The following ARF4 variants were observed in gnomAD, a reference collection of about 807,000 sequenced individuals.
ARF4 encodes the protein ARF GTPase 4, also known as ADP-ribosylation factor 4.
In ARF4, 5 loss-of-function variants were observed where a neutral mutation model predicts 24.3. The ratio of observed to expected loss-of-function variants is 0.21; its 90% CI spans 0.11 to 0.43. The LOEUF (loss-of-function observed/expected upper bound fraction) is 0.43, where lower values mean the gene tolerates loss of function less well. ARF4 is among the 20% of genes least tolerant of loss of function. ARF4 has a pLI of 1.00. For synonymous variants in ARF4, 62 were observed against 73.5 expected (o/e 0.84, Z 0.80); for missense variants, 107 against 213.0 (o/e 0.50, Z 3.10).
In ARF4 at chr3:57,589,643, G is replaced by A. The variant is rs140342312; in HGVS notation, c.68-5179C>T. On this transcript the variant is annotated intron_variant, in intron 1 of 5. Transcript: ENST00000303436. ...TGAGGCAGGAGAATCGCTTGAACCC[G>A]GGAGGTGGAGGTTACAGTGAGCCCA... is the stretch of plus-strand genomic sequence containing the variant. Among the ~76,000 whole-genome samples, 662 of 151,352 alleles carry A rather than the reference G, an allele frequency of 4.4e-3. 6 individuals carry two copies. Among genetic ancestry groups the A allele is most frequent in the African/African-American group, 0.015 (623 of 41,238 alleles).
chr3:57,586,005 G>A (rs949827445), intron 1 of ARF4, among the ~76,000 whole-genome samples: 6 of 152,174 alleles, frequency 3.9e-5, no homozygotes, highest in Admixed American at 3.9e-4. Flanking sequence ...TACAAGTAGG[G>A]AGGAATGTGT....
chr3:57,584,323 G>T, intron 2 of ARF4, 61 bp downstream of exon 2: 1 of 1,337,816 alleles, frequency 7.5e-7, no homozygotes, highest in Non-Finnish European at 1.1e-6. Context: ...CTCAAAACTA[G>T]ACTGTATATA....
In ARF4 at chr3:57,572,085, A is replaced by G. The variant is rs537262422; in HGVS notation, c.*127T>C. The G allele has an allele frequency of 5.7e-4, 393 of 686,078 alleles. 1 individual carries two copies. The highest frequency in any genetic ancestry group is 7.8e-4 in the Non-Finnish European group (306 of 394,122). The allele number at this position is 686,078 out of a possible 1,614,324, so 42.5% of individuals were successfully genotyped here. On this transcript the variant is annotated 3_prime_UTR_variant, in exon 6 of 6. Coordinates refer to ENST00000303436, the MANE Select transcript of ARF4 (RefSeq NM_001660.4). ...TCGGTAAACAATAATTGGCAACAAA[A>G]TAAGTTTAATATTCTGCCCAAACCA...
intron 1 of ARF4, among the ~76,000 whole-genome samples, chr3:57,589,321 G>A (rs2070076682): frequency 6.6e-6 from 1 of 152,156 alleles, no homozygotes; most frequent in South Asian, 2.1e-4. Flanking sequence ...CCAGCTACGT[G>A]GGAGGCTGAG....
intron 1 of ARF4, among the ~76,000 whole-genome samples, chr3:57,593,955 T>C (rs1000681614): frequency 6.6e-6 from 1 of 152,130 alleles, no homozygotes; most frequent in African/African-American, 2.4e-5. Context: ...TTAAAAAATA[T>C]ATACAAAATA....
At chr3:57,588,305 C>A (rs2070063329) in intron 1 of ARF4, among the ~76,000 whole-genome samples, 1 of 152,216 alleles carries the variant, frequency 6.6e-6, no homozygotes, top group Non-Finnish European at 1.5e-5. Context: ...TCACTCACAC[C>A]TGTAATCCTA....
rs182956600 is a variant in ARF4 at position 57,574,912 on chromosome 3, G to A, written c.456+636C>T. 9.3e-5 allele frequency among the ~76,000 whole-genome samples: 14 copies of A among 150,140 alleles called. No individual in the cohort carries two copies. The East Asian group carries it at 1.2e-3, about 13-fold the overall frequency. On this transcript the variant is annotated intron_variant, in intron 5 of 5. Transcript: ENST00000303436. ...TGCCCAGGCTGGAGTGCAGTGGCGC[G>A]ATCGCGACTCACCGCAACCTCCACC...
intron 3 of ARF4, among the ~76,000 whole-genome samples, chr3:57,577,947 T>G (rs758156689): frequency 6.6e-6 from 1 of 151,810 alleles, no homozygotes; most frequent in African/African-American, 2.4e-5. Flanking sequence ...CCCAGCTACT[T>G]GGGAGATGAG....
intron 3 of ARF4, among the ~76,000 whole-genome samples, chr3:57,582,949 C>T (rs2069993506): frequency 6.6e-6 from 1 of 152,142 alleles, no homozygotes; most frequent in African/African-American, 2.4e-5. Context: ...ATTTTGCCCC[C>T]AGGGGATATT....
intron 1 of ARF4, among the ~76,000 whole-genome samples, chr3:57,589,793 A>G (rs1027304630): frequency 2.0e-5 from 3 of 151,092 alleles, no homozygotes; most frequent in African/African-American, 7.3e-5. Flanking sequence ...TACATTTTAA[A>G]TTTAAAAAGT....
intron 3 of ARF4, among the ~76,000 whole-genome samples, chr3:57,582,616 G>T (rs1309671750): frequency 1.3e-5 from 2 of 152,074 alleles, no homozygotes; most frequent in African/African-American, 4.8e-5. Flanking sequence ...GGTTGTCCCA[G>T]CCACTCACCT....
intron 1 of ARF4, among the ~76,000 whole-genome samples, chr3:57,584,880 G>A (rs1373348506): frequency 6.6e-6 from 1 of 151,876 alleles, no homozygotes; most frequent in Non-Finnish European, 1.5e-5. Context: ...CAGGGGAGCG[G>A]GGGGACGTAT....
intron 1 of ARF4, among the ~76,000 whole-genome samples, chr3:57,588,152 T>C (rs2070061492): frequency 6.6e-6 from 1 of 152,162 alleles, no homozygotes; most frequent in African/African-American, 2.4e-5. Flanking sequence ...CCAGCAATGG[T>C]CTCCCTCCCC....
chr3:57,577,053 C>CT (rs1363788785), intron 4 of ARF4, among the ~76,000 whole-genome samples: 3 of 146,098 alleles, frequency 2.1e-5, no homozygotes, highest in Admixed American at 1.4e-4. Context: ...ATGAGGCATT[C>CT]TAAAAAAAAA....
chr3:57,582,010 G>A (rs1171795605), intron 3 of ARF4, among the ~76,000 whole-genome samples: 1 of 152,120 alleles, frequency 6.6e-6, no homozygotes, highest in East Asian at 1.9e-4. Context: ...AAACTCCCTG[G>A]AGTATATCGG....
chr3:57,577,901 A>C (rs2069925721), intron 3 of ARF4, among the ~76,000 whole-genome samples: 1 of 152,000 alleles, frequency 6.6e-6, no homozygotes, highest in Admixed American at 6.6e-5. Context: ...AAAAAAATAC[A>C]AAAATTAGCC....
chr3:57,573,688 C>G (rs1397067997), intron 5 of ARF4, among the ~76,000 whole-genome samples: 1 of 151,854 alleles, frequency 6.6e-6, no homozygotes, highest in Non-Finnish European at 1.5e-5. Context: ...TCAAGAGATT[C>G]TCGTGCCTTC....
At chr3:57,572,402 A>G in intron 5 of ARF4, 104 bp from the exon 6 acceptor site, 1 of 823,648 alleles carries the variant, frequency 1.2e-6, no homozygotes. Context: ...CACCTCTTGC[A>G]TCTCACAAAA....
chr3:57,594,357 G>A (rs1014617557), intron 1 of ARF4, among the ~76,000 whole-genome samples: 1 of 152,130 alleles, frequency 6.6e-6, no homozygotes, highest in Non-Finnish European at 1.5e-5. Context: ...CAAAGTGCTG[G>A]GATAATAGGC....
Sources: gnomAD v4.1 joint callset for allele counts (sites outside exome capture counted in the v4.1 genomes callset) on GRCh38, gnomAD v4.1.1 for gene constraint, MANE v1.5 for transcripts, NCBI Gene and HGNC (gene_info 2026-07-23, HGNC 2026-07-21) for gene names.